Variants in LSM3 observed in about 807,000 individuals in gnomAD.
LSM3 encodes the protein LSM3 homolog, U6 small nuclear RNA and mRNA degradation associated, also known as U6 snRNA-associated Sm-like protein LSm3.
Under a neutral mutation model 15.4 loss-of-function variants are expected in LSM3, and 14 were observed. The observed-to-expected ratio is 0.91, with a 90% CI of 0.60 to 1.42. The LOEUF is 1.42. Among genes scored for constraint, LSM3 ranks in the 40% most tolerant of loss-of-function variants. The pLI, the probability that LSM3 is intolerant of heterozygous loss-of-function variation, is 0.00. For synonymous variants in LSM3, 46 were observed against 45.1 expected (o/e 1.02, Z -0.08); for missense variants, 88 against 127.9 (o/e 0.69, Z 1.50).
At chr3:14,194,385 C>T (rs1182656547) in intron 3 of LSM3, among the ~76,000 whole-genome samples, 2 of 152,224 alleles carry the variant, frequency 1.3e-5, no homozygotes, top group African/African-American at 4.8e-5. Context: ...CAGAGATGCC[C>T]TGTCCAGAGA....
intron 2 of LSM3, 105 bp from the exon 3 acceptor site, chr3:14,183,832 T>C (rs1393545237): frequency 2.8e-6 from 2 of 707,214 alleles, no homozygotes; most frequent in East Asian, 5.7e-5. Flanking sequence ...GTGATGTAAG[T>C]ATCAAATGCC....
intron 3 of LSM3, among the ~76,000 whole-genome samples, chr3:14,193,649 A>T (rs1413080033): frequency 2.0e-5 from 3 of 152,138 alleles, no homozygotes; most frequent in African/African-American, 7.2e-5. Context: ...GTTTTTCTCT[A>T]CATTGGTTAT....
rs189514252 is a variant in LSM3, at chr3:14,185,370, A to G, written c.228+1338A>G. ...CTGTCTCAAAACAAAACAAAACAAA[A>G]CAAAAAAAAACCTATCACGTGTTAC... On this transcript the variant is annotated intron_variant, in intron 3 of 3. Transcript: ENST00000306024. Among the ~76,000 whole-genome samples, 1,021 of 143,618 alleles carry G rather than the reference A, an allele frequency of 7.1e-3. 16 individuals carry two copies. The highest frequency in any genetic ancestry group is 0.024 in the African/African-American group (965 of 40,064). 94.2% of individuals were successfully genotyped at this position (143,618 alleles called of 152,430 possible). A position where few individuals can be genotyped will look rare whatever the true frequency, so the allele number is the denominator to read the frequency against.
At chr3:14,194,706 T>C (rs1697172257) in intron 3 of LSM3, among the ~76,000 whole-genome samples, 1 of 150,662 alleles carries the variant, frequency 6.6e-6, no homozygotes, top group South Asian at 2.1e-4. Context: ...AAAAAAAAAA[T>C]TCTGGGTGAA....
chr3:14,196,771 A>G (rs965494141), intron 3 of LSM3, among the ~76,000 whole-genome samples: 1 of 152,228 alleles, frequency 6.6e-6, no homozygotes, highest in Non-Finnish European at 1.5e-5. Flanking sequence ...GCCAACTTCT[A>G]TTATGCTGGA....
At chr3:14,179,159 A>G (rs1696980346) in intron 1 of LSM3, among the ~76,000 whole-genome samples, 1 of 152,216 alleles carries the variant, frequency 6.6e-6, no homozygotes, top group African/African-American at 2.4e-5. Flanking sequence ...CAGGATTCCA[A>G]TAGAAAGCCA....
At chr3:14,197,995 C>G (rs370963875) in intron 3 of LSM3, 41 bp from the exon 4 acceptor site, 3 of 1,483,252 alleles carry the variant, frequency 2.0e-6, no homozygotes, top group African/African-American at 2.8e-5. Context: ...AGCAGTAATA[C>G]ACAGTTGTAC....
intron 1 of LSM3, among the ~76,000 whole-genome samples, chr3:14,180,435 C>T (rs80223952): frequency 2.6e-5 from 4 of 151,846 alleles, no homozygotes; most frequent in Admixed American, 6.6e-5. Context: ...ACTACAGGTG[C>T]GTGCCGCCAC....
At chr3:14,186,822 T>C (rs2125057825) in intron 3 of LSM3, among the ~76,000 whole-genome samples, 1 of 152,302 alleles carries the variant, frequency 6.6e-6, no homozygotes, top group Middle Eastern at 3.4e-3. Flanking sequence ...TTACAGGTGA[T>C]GTGATAAAAA....
intron 1 of LSM3, 26 bp downstream of exon 1, chr3:14,178,907 C>G (rs1176790640): frequency 6.2e-7 from 1 of 1,613,660 alleles, no homozygotes; most frequent in Non-Finnish European, 8.5e-7. Context: ...GGAGGTCGCT[C>G]GAAGGAGCTT....
At chr3:14,192,993 A>G (rs948907886) in intron 3 of LSM3, among the ~76,000 whole-genome samples, 2 of 152,078 alleles carry the variant, frequency 1.3e-5, no homozygotes, top group African/African-American at 2.4e-5. Flanking sequence ...ATCCCTCAGC[A>G]TTTGCTTGTC....
intron 3 of LSM3, among the ~76,000 whole-genome samples, chr3:14,190,121 T>C (rs1172789854): frequency 6.6e-6 from 1 of 152,204 alleles, no homozygotes; most frequent in Non-Finnish European, 1.5e-5. Flanking sequence ...TGTGTGGTGT[T>C]ATTTCTGAGG....
At chr3:14,181,970 ATG>A (rs1697043531) in intron 2 of LSM3, among the ~76,000 whole-genome samples, 1 of 152,212 alleles carries the variant, frequency 6.6e-6, no homozygotes, top group East Asian at 1.9e-4. Flanking sequence ...AAACACAAAT[ATG>A]TGTTTTATTA....
At chr3:14,196,246 G>A (rs58280741) in intron 3 of LSM3, among the ~76,000 whole-genome samples, 3,030 of 152,114 alleles carry the variant, frequency 0.02, 101 homozygotes, top group African/African-American at 0.069. Context: ...GTGAACCACC[G>A]TGCCTGGCCG....
chr3:14,199,334 A>G lies in LSM3; in HGVS notation c.*1218A>G, dbSNP rs1697214649. 1 of 152,220 alleles carries G rather than the reference A, an allele frequency of 6.6e-6. No homozygotes were observed. 9.4% of individuals were successfully genotyped at this position (152,220 alleles called of 1,614,324 possible). A position where few individuals can be genotyped will look rare whatever the true frequency, so the allele number is the denominator to read the frequency against. On this transcript the variant is annotated 3_prime_UTR_variant, in exon 4 of 4. Coordinates refer to ENST00000306024, the MANE Select transcript of LSM3 (RefSeq NM_014463.3). ...GTGTTACAATCTCTCAAACTTTATC[A>G]AGACAGGGCTTAGAACCTGACATCC...
At chr3:14,195,964 T>TTTTC (rs1392398484) in intron 3 of LSM3, among the ~76,000 whole-genome samples, 1 of 151,578 alleles carries the variant, frequency 6.6e-6, no homozygotes, top group Non-Finnish European at 1.5e-5. Context: ...TTTTTTTTTT[T>TTTTC]TTCTTTGAGA....
chr3:14,189,137 C>T (rs1195299630), intron 3 of LSM3, among the ~76,000 whole-genome samples: 1 of 152,136 alleles, frequency 6.6e-6, no homozygotes, highest in Non-Finnish European at 1.5e-5. Context: ...TGAACTCCTC[C>T]TTTTTTATAG....
intron 1 of LSM3, among the ~76,000 whole-genome samples, chr3:14,180,183 T>C (rs1239178608): frequency 1.3e-5 from 2 of 152,204 alleles, no homozygotes; most frequent in Non-Finnish European, 2.9e-5. Flanking sequence ...ATCCCTTCCA[T>C]GTGGGTGACC....
chr3:14,194,967 A>G (rs6442428), intron 3 of LSM3, among the ~76,000 whole-genome samples: 32,465 of 151,872 alleles, frequency 0.21, 3,622 homozygotes, highest in South Asian at 0.26. Context: ...TCTGGTGGGC[A>G]TATTAGTTCG....
Sources: gnomAD v4.1 joint callset for allele counts (sites outside exome capture counted in the v4.1 genomes callset) on GRCh38, gnomAD v4.1.1 for gene constraint, MANE v1.5 for transcripts, NCBI Gene and HGNC (gene_info 2026-07-23, HGNC 2026-07-21) for gene names.